Variants in MDN1 observed in about 807,000 individuals in gnomAD.
The protein encoded by MDN1 is midasin.
In MDN1, 266 loss-of-function variants were observed where a neutral mutation model predicts 669.2. That is an observed-to-expected ratio of 0.40 (90% CI 0.36 to 0.44). The LOEUF (loss-of-function observed/expected upper bound fraction) is 0.44. Ranked by LOEUF, MDN1 falls within the 20% of genes least tolerant of loss-of-function variation. The pLI is 1.00. For missense variants in MDN1, 5,940 were observed against 6,754.0 expected, an observed-to-expected ratio of 0.88 and a Z score of 4.22; for synonymous variants, 2,385 against 2,457.1, an observed-to-expected ratio of 0.97 and a Z score of 0.87.
At chr6:89,742,581 T>C (rs1207124006) in intron 31 of MDN1, among the ~76,000 whole-genome samples, 1 of 152,190 alleles carries the variant, frequency 6.6e-6, no homozygotes, top group Non-Finnish European at 1.5e-5. Context: ...GAACCCATCA[T>C]GGGATTATAA....
chr6:89,721,416 G>A (rs542773964), intron 40 of MDN1, among the ~76,000 whole-genome samples: 25 of 152,300 alleles, frequency 1.6e-4, no homozygotes, highest in African/African-American at 4.6e-4. Flanking sequence ...GTTTTTATCC[G>A]TGGATGGCTT....
chr6:89,779,589 C>G (rs1355249744), intron 11 of MDN1, among the ~76,000 whole-genome samples: 1 of 152,158 alleles, frequency 6.6e-6, no homozygotes, highest in Non-Finnish European at 1.5e-5. Flanking sequence ...TATGTAGGAA[C>G]AAACATTGCT....
At chr6:89,752,615 A>C (rs1817012654) in intron 22 of MDN1, among the ~76,000 whole-genome samples, 1 of 152,294 alleles carries the variant, frequency 6.6e-6, no homozygotes, top group African/African-American at 2.4e-5. Flanking sequence ...TGTTTCTAAC[A>C]GTGCCCCCAC....
chr6:89,813,082 AG>A (rs1562245891), intron 1 of MDN1, among the ~76,000 whole-genome samples: 1 of 152,254 alleles, frequency 6.6e-6, no homozygotes, highest in East Asian at 1.9e-4. Flanking sequence ...CTGGGATTAT[AG>A]GCATGCGCCA....
intron 52 of MDN1, 146 bp downstream of exon 52, chr6:89,707,215 A>G: frequency 1.6e-6 from 1 of 624,388 alleles, no homozygotes; most frequent in Non-Finnish European, 2.8e-6. Context: ...AGTCATTACT[A>G]TTGAGTAAGG....
At chr6:89,816,357 G>A (rs1768830207) in intron 1 of MDN1, among the ~76,000 whole-genome samples, 1 of 152,114 alleles carries the variant, frequency 6.6e-6, no homozygotes, top group Admixed American at 6.6e-5. Context: ...TTGAGATCGC[G>A]CCGCTGCAGT....
chr6:89,644,247 T>A (rs1808334334), intron 101 of MDN1, 54 bp from the exon 102 acceptor site: 3 of 1,431,472 alleles, frequency 2.1e-6, no homozygotes, highest in Admixed American at 1.9e-5. Flanking sequence ...CCAGCATCCT[T>A]AGCTAGCTCT....
rs766651373 is a variant in MDN1, at chr6:89,688,113, G to C, written c.11320C>G (p.Leu3774Val). Residue 3774 changes from leucine to valine, a missense_variant, in exon 67 of 102, where the codon CTG becomes GTG. By Grantham distance (32) the Leu-to-Val change is conservative (BLOSUM62 1). Coordinates refer to ENST00000369393, the MANE Select transcript of MDN1 (RefSeq NM_014611.3). ...FPLSSPISKF[L>V]NGLEILLAKA... ...GCCAGAAGGATCTCTAAGCCATTCA[G>C]GAACTTTGAGATGGGACTGGAAAGT... 6.2e-7 allele frequency: 1 copy of C among 1,614,130 alleles called. No individual in the cohort carries two copies. The highest frequency in any genetic ancestry group is 1.1e-5 in the South Asian group (1 of 91,072).
intron 2 of MDN1, among the ~76,000 whole-genome samples, chr6:89,802,045 G>T (rs1767701819): frequency 6.6e-6 from 1 of 152,176 alleles, no homozygotes; most frequent in Non-Finnish European, 1.5e-5. Flanking sequence ...TAGCTGAGGG[G>T]ATTTGGGAGC....
At chr6:89,680,773 A>T in intron 73 of MDN1, 22 bp from the exon 74 acceptor site, 7 of 1,608,142 alleles carry the variant, frequency 4.4e-6, no homozygotes, top group Non-Finnish European at 5.9e-6. Flanking sequence ...AAGACAGGTT[A>T]GCCTCACTGC....
intron 33 of MDN1, among the ~76,000 whole-genome samples, chr6:89,735,287 A>G (rs889271192): frequency 1.3e-5 from 2 of 152,118 alleles, no homozygotes; most frequent in African/African-American, 2.4e-5. Flanking sequence ...ATTGTTTACA[A>G]AAGTTTGAGA....
rs1401640869 is a variant in MDN1, at chr6:89,690,779, T to C, written c.10643A>G (p.Gln3548Arg). 1 of 1,614,188 alleles carries C rather than the reference T, an allele frequency of 6.2e-7. No homozygotes were observed. Among genetic ancestry groups the C allele is most frequent in the Non-Finnish European group, 8.5e-7 (1 of 1,180,026 alleles). Residue 3548 changes from glutamine to arginine, a missense_variant, in exon 64 of 102, where the codon CAG becomes CGG. By Grantham distance (43) the Gln-to-Arg change is conservative. Transcript: ENST00000369393. ...CCTGTATCTATACAGGCCGCTTTCC[T>C]GCTCAGCCTTCTCTTGGGCTATGCG... is the stretch of plus-strand genomic sequence containing the variant. ...QERIAQEKAEQESGLYRYRSR... is the reference protein window; with the variant it reads ...QERIAQEKAERESGLYRYRSR...
chr6:89,684,001 A>T, intron 71 of MDN1, 97 bp from the exon 72 acceptor site: 3 of 897,856 alleles, frequency 3.3e-6, no homozygotes, highest in South Asian at 2.8e-5. Context: ...AGCTCACTCT[A>T]TCCCAAACAC....
rs139568496 is a variant in MDN1 at position 89,712,144 on chromosome 6, C to T, written c.7543G>A (p.Val2515Ile). Residue 2515 changes from valine (V) to isoleucine (I), a missense_variant, in exon 49 of 102, where the codon GTT (valine) becomes ATT (isoleucine). By Grantham distance (29) the Val-to-Ile change is conservative. This residue lies in a region of MDN1 where 2,292 missense variants were observed against 2,638.3 expected (regional missense o/e 0.87). Transcript: ENST00000369393. Reference protein sequence around the residue: ...VNTYWIDEPDVLVMAVKLLIE... With the variant: ...VNTYWIDEPDILVMAVKLLIE... Reference sequence around the variant, plus strand: ...AGCAATTTAACAGCCATGACCAAAACATCTGGTTCATCGATCCAGTAAGTA... The same window carrying T: ...AGCAATTTAACAGCCATGACCAAAATATCTGGTTCATCGATCCAGTAAGTA... 1.1e-5 allele frequency: 18 copies of T among 1,614,052 alleles called. No homozygotes were observed. Among genetic ancestry groups the T allele is most frequent in the Non-Finnish European group, 1.5e-5 (18 of 1,180,006 alleles).
At chr6:89,778,919 TAAATAAATAAATAAAA>T (rs1389257707) in intron 11 of MDN1, among the ~76,000 whole-genome samples, 35 of 144,900 alleles carry the variant, frequency 2.4e-4, no homozygotes, top group East Asian at 1.4e-3. Context: ...AATAAATAAA[TAAATAAATAAATAAAA>T]AAAAAGGTAT....
Position 89,758,356 on chromosome 6 carries a change from TAAGAG to T in MDN1, c.2606-10_2606-6del. 1 of 1,596,546 alleles carries T rather than the reference TAAGAG, an allele frequency of 6.3e-7. No homozygotes were observed. The highest frequency in any genetic ancestry group is 8.6e-7 in the Non-Finnish European group (1 of 1,168,792). On this transcript the variant is annotated splice_region_variant and splice_polypyrimidine_tract_variant and intron_variant, in intron 18 of 101. Transcript: ENST00000369393. ...CAGGATGCCGAACCAGTGGCTCTGT[TAAGAG>T]AAAATTACAAATTCTCAACAAAGGT...
Position 89,694,201 on chromosome 6 carries a change from A to C in MDN1, c.9772-18T>G. On this transcript the variant is annotated intron_variant, in intron 61 of 101. Coordinates refer to ENST00000369393, the MANE Select transcript of MDN1 (RefSeq NM_014611.3). ...TGGTGTAACTAATGGAAAAGAGAGA[A>C]GTTAGTCCACTGTGTCCCAGCTATG... 1 of 1,596,236 alleles carries C rather than the reference A, an allele frequency of 6.3e-7. No homozygotes were observed. The highest frequency in any genetic ancestry group is 8.6e-7 in the Non-Finnish European group (1 of 1,163,822).
At position 89,684,895 on chromosome 6, in the gene MDN1, G is replaced by C. The variant is rs1183035504; in HGVS notation, c.11810C>G (p.Pro3937Arg). 33 of 1,606,830 alleles carry C rather than the reference G, an allele frequency of 2.1e-5. No homozygotes were observed. The highest frequency in any genetic ancestry group is 2.8e-5 in the Non-Finnish European group (33 of 1,173,742). ...VQAKIVELRS[P>R]LEKELKEFVK... ...TCTTACTTTAAGTTCTTTTTCTAGGGGGGAACGAAGTTCCACAATTTTGGC... is the reference window on the plus strand; with the variant it reads ...TCTTACTTTAAGTTCTTTTTCTAGGCGGGAACGAAGTTCCACAATTTTGGC... Residue 3937 changes from proline (P) to arginine (R), a missense_variant, in exon 71 of 102, where the codon CCC (proline) becomes CGC (arginine). Pro to Arg is a moderately radical substitution (Grantham distance 103). Around this residue, in one of 5 missense-constraint regions of MDN1, gnomAD observed 2,280 missense variants for 2,576.3 expected, o/e 0.88. Coordinates refer to ENST00000369393, the MANE Select transcript of MDN1 (RefSeq NM_014611.3).
rs779192899 is a variant in MDN1 at position 89,675,491 on chromosome 6, G to A, written c.12734C>T (p.Thr4245Met). The change falls in exon 78 of 102, where the codon ACG (threonine) becomes ATG (methionine). Residue 4245 changes from threonine to methionine, a missense_variant. By Grantham distance (81) the Thr-to-Met change is moderately conservative. This residue lies in a region of MDN1 where 2,280 missense variants were observed against 2,576.3 expected (regional missense o/e 0.88). Coordinates refer to ENST00000369393, the MANE Select transcript of MDN1 (RefSeq NM_014611.3). ...MLVRQRRSLT[T>M]LSEQWIILRN... is the part of the protein sequence containing the mutation. Reference sequence around the variant, plus strand: ...GAGGATGATCCACTGCTCACTGAGCGTGGTCAGGGAGCGCCGCTGTCGGAC... The same window carrying A: ...GAGGATGATCCACTGCTCACTGAGCATGGTCAGGGAGCGCCGCTGTCGGAC... 128 of 1,613,454 alleles carry A rather than the reference G, an allele frequency of 7.9e-5. No homozygotes were observed. Among genetic ancestry groups the A allele is most frequent in the East Asian group, 3.6e-4 (16 of 44,880 alleles).
Sources: gnomAD v4.1 joint callset for allele counts (sites outside exome capture counted in the v4.1 genomes callset) on GRCh38, gnomAD v4.1.1 for gene constraint, gnomAD v4.1.1 regional missense constraint, MANE v1.5 for transcripts, NCBI Gene and HGNC (gene_info 2026-07-23, HGNC 2026-07-21) for gene names.